The following PFKP variants were observed in gnomAD, a reference collection of about 807,000 sequenced individuals.
PFKP encodes the protein phosphofructokinase, platelet.
PFKP carries 101 observed loss-of-function variants against 94.3 expected under a neutral mutation model. The observed-to-expected ratio is 1.07, with a 90% CI of 0.91 to 1.26. The LOEUF is 1.26. Among genes scored for constraint, PFKP ranks in the 50% most tolerant of loss-of-function variants. The pLI, the probability that PFKP is intolerant of heterozygous loss-of-function variation, is 0.00. For synonymous variants in PFKP, 573 were observed against 432.6 expected, an observed-to-expected ratio of 1.32 and a Z score of -4.03; for missense variants, 1,145 against 1,103.3, an observed-to-expected ratio of 1.04 and a Z score of -0.53.
At chr10:3,135,168 T>C (rs1017734986) in intron 20 of PFKP, among the ~76,000 whole-genome samples, 2 of 152,190 alleles carry the variant, frequency 1.3e-5, no homozygotes, top group Non-Finnish European at 2.9e-5. Context: ...GAGTGGCTCT[T>C]TGTGCCAGCA....
At chr10:3,120,805 A>G (rs1328528887) in intron 16 of PFKP, among the ~76,000 whole-genome samples, 1 of 152,110 alleles carries the variant, frequency 6.6e-6, no homozygotes, top group Non-Finnish European at 1.5e-5. Flanking sequence ...GACCACAGGC[A>G]TGTGCCACCA....
At position 3,135,802 on chromosome 10, in the gene PFKP, A is replaced by G. The variant is rs1839202510; in HGVS notation, c.2189A>G (p.Gln730Arg). The G allele has an allele frequency of 1.1e-5, 17 of 1,613,586 alleles. No homozygotes were observed. Among genetic ancestry groups the G allele is most frequent in the Non-Finnish European group, 1.2e-5 (14 of 1,179,614 alleles). ...LGISKRNVIF[Q>R]PVAELKKQTD... ...ATAAGCAAAAGAAACGTTATTTTTC[A>G]ACCTGTGGCAGAGCTGAAGAAGCAA... The change falls in exon 21 of 22, where the codon CAA becomes CGA. Residue 730 changes from glutamine (Q) to arginine (R), a missense_variant. Coordinates refer to ENST00000381125, the MANE Select transcript of PFKP (RefSeq NM_002627.5).
At chr10:3,095,424 A>T (rs927159007) in intron 2 of PFKP, among the ~76,000 whole-genome samples, 1 of 152,238 alleles carries the variant, frequency 6.6e-6, no homozygotes, top group Non-Finnish European at 1.5e-5. Context: ...AGCCTGTGGC[A>T]TGTTCTTAGA....
In PFKP at chr10:3,127,109, G is replaced by A. The variant is rs533858282; in HGVS notation, c.1684-2710G>A. Reference sequence around the variant, plus strand: ...TGCTTTGACTAATTGCCTGAGGCACGGCCGGAGTGACTTGCTATTTTTAGA... The same window carrying A: ...TGCTTTGACTAATTGCCTGAGGCACAGCCGGAGTGACTTGCTATTTTTAGA... On this transcript the variant is annotated intron_variant, in intron 16 of 21. Coordinates refer to ENST00000381125, the MANE Select transcript of PFKP (RefSeq NM_002627.5). 4.6e-5 allele frequency among the ~76,000 whole-genome samples: 7 copies of A among 152,374 alleles called. No individual in the cohort carries two copies. In the South Asian group the frequency reaches 6.2e-4, roughly 14 times the overall value.
Position 3,136,448 on chromosome 10 carries a change from A to C in PFKP, c.2226-2A>C. On this transcript the variant is annotated splice_acceptor_variant, in intron 21 of 21. Coordinates refer to ENST00000381125, the MANE Select transcript of PFKP (RefSeq NM_002627.5). LOFTEE classifies it high-confidence loss of function. ...CACTGCTGTCTCCTCTTACCTCCAC[A>C]GGCACAGGATTCCCAAAGAACAGTG... The C allele has an allele frequency of 1.2e-6, 2 of 1,613,318 alleles. No homozygotes were observed. The highest frequency in any genetic ancestry group is 2.2e-5 in the South Asian group (2 of 91,030).
At chr10:3,121,062 TA>T (rs35568047) in intron 16 of PFKP, among the ~76,000 whole-genome samples, 1 of 152,114 alleles carries the variant, frequency 6.6e-6, no homozygotes, top group African/African-American at 2.4e-5. Context: ...CACTGGTAAA[TA>T]AAAAAACAAG....
intron 1 of PFKP, among the ~76,000 whole-genome samples, chr10:3,073,825 G>GTTTTT (rs556041801): frequency 6.6e-6 from 1 of 150,788 alleles, no homozygotes; most frequent in African/African-American, 2.5e-5. Context: ...GTGTGTGTGT[G>GTTTTT]TTTTTTTTGT....
At position 3,098,081 on chromosome 10, in the gene PFKP, A is replaced by G. The variant is rs181019248; in HGVS notation, c.187-1194A>G. On this transcript the variant is annotated intron_variant, in intron 2 of 21. Transcript: ENST00000381125. Reference sequence around the variant, plus strand: ...GAAATTTATAAATATAAGTATACAAATTGGCCAGCTATCAAGGTGCCTGCA... The same window carrying G: ...GAAATTTATAAATATAAGTATACAAGTTGGCCAGCTATCAAGGTGCCTGCA... Among the ~76,000 whole-genome samples the G allele has an allele frequency of 3.5e-3, 527 of 152,278 alleles. 12 individuals carry two copies. Among genetic ancestry groups the G allele is most frequent in the African/African-American group, 0.012 (510 of 41,512 alleles).
chr10:3,116,131 C>G (rs1216168566), intron 13 of PFKP, among the ~76,000 whole-genome samples: 1 of 134,228 alleles, frequency 7.5e-6, no homozygotes, highest in African/African-American at 3.0e-5. Context: ...ATGGTTCTGT[C>G]AAATATATAT....
rs1298471006 is a variant in PFKP, at chr10:3,131,252, T to C, written c.1849-1128T>C. On this transcript the variant is annotated intron_variant, in intron 17 of 21. Coordinates refer to ENST00000381125, the MANE Select transcript of PFKP (RefSeq NM_002627.5). ...CAGGTTTGTAGCCAGGAACAACAGGTGTGCAGCAGGCTCTGCCTCCTGGGT... is the reference window on the plus strand; with the variant it reads ...CAGGTTTGTAGCCAGGAACAACAGGCGTGCAGCAGGCTCTGCCTCCTGGGT... Among the ~76,000 whole-genome samples, 4 of 152,228 alleles carry C rather than the reference T, an allele frequency of 2.6e-5. No individual in the cohort carries two copies. The East Asian group carries it at 7.7e-4, about 29-fold the overall frequency.
In PFKP at chr10:3,101,453, G is replaced by C; in HGVS notation, c.353G>C (p.Gly118Ala). The change falls in exon 4 of 22, where the codon GGC becomes GCC. Residue 118 changes from glycine (G) to alanine (A), a missense_variant. By Grantham distance (60) the Gly-to-Ala change is moderately conservative. Around this residue, in one of 3 missense-constraint regions of PFKP, gnomAD observed 1,119 missense variants for 1,062.8 expected, o/e 1.05. Coordinates refer to ENST00000381125, the MANE Select transcript of PFKP (RefSeq NM_002627.5). ...GCTGCTTGCAACCTGCTGCAGCGCG[G>C]CATCACCAACCTGTGTGTGATCGGC... ...LKAACNLLQR[G>A]ITNLCVIGGD... 1 of 1,609,876 alleles carries C rather than the reference G, an allele frequency of 6.2e-7. No homozygotes were observed. The highest frequency in any genetic ancestry group is 2.2e-5 in the East Asian group (1 of 44,746).
chr10:3,089,877 A>G (rs574119955), intron 2 of PFKP, among the ~76,000 whole-genome samples: 2 of 151,980 alleles, frequency 1.3e-5, no homozygotes, highest in South Asian at 2.1e-4. Context: ...GCTTCCTTCT[A>G]CTTTTCCCAG....
In PFKP at chr10:3,113,552, A is replaced by T. The variant is rs201965500; in HGVS notation, c.1371+34A>T. 4.6e-5 allele frequency: 73 copies of T among 1,601,584 alleles called. No individual in the cohort carries two copies. The Admixed American group carries it at 1.2e-3, about 27-fold the overall frequency. On this transcript the variant is annotated intron_variant, in intron 13 of 21. Coordinates refer to ENST00000381125, the MANE Select transcript of PFKP (RefSeq NM_002627.5). Reference sequence around the variant, plus strand: ...CCCAGGATGCCGTAGGCAGGCAGACACCCTGGCTGTGAGCACAGTGGACGT... The same window carrying T: ...CCCAGGATGCCGTAGGCAGGCAGACTCCCTGGCTGTGAGCACAGTGGACGT...
At chr10:3,072,829 T>G (rs918319922) in intron 1 of PFKP, among the ~76,000 whole-genome samples, 16 of 151,906 alleles carry the variant, frequency 1.1e-4, no homozygotes, top group Admixed American at 2.6e-4. Context: ...TACGGTAACG[T>G]AGTCAGGACA....
chr10:3,099,816 T>A (rs942912270), intron 3 of PFKP, among the ~76,000 whole-genome samples: 1 of 151,726 alleles, frequency 6.6e-6, no homozygotes, highest in African/African-American at 2.4e-5. Context: ...AACGGAGAGT[T>A]GAAGTGCGTA....
At chr10:3,090,364 T>C (rs907396652) in intron 2 of PFKP, among the ~76,000 whole-genome samples, 1 of 152,198 alleles carries the variant, frequency 6.6e-6, no homozygotes. Flanking sequence ...GAAATGGTGT[T>C]TGCCCTCCTG....
Position 3,132,405 on chromosome 10 carries a change from AAATG to A in PFKP, c.1877_1880del (p.Met626ArgfsTer96). 6.2e-7 allele frequency: 1 copy of A among 1,613,102 alleles called. No individual in the cohort carries two copies. The highest frequency in any genetic ancestry group is 8.5e-7 in the Non-Finnish European group (1 of 1,179,110). ...TCCAACGTGGAGCACCTGACGGAGA[AAATG>A]AAGACCACCATCCAGAGAGGCCTTG... On this transcript the variant is annotated frameshift_variant, in exon 18 of 22. Transcript: ENST00000381125. LOFTEE classifies it high-confidence loss of function.
At chr10:3,093,979 A>G (rs1834284488) in intron 2 of PFKP, among the ~76,000 whole-genome samples, 1 of 152,220 alleles carries the variant, frequency 6.6e-6, no homozygotes, top group South Asian at 2.1e-4. Flanking sequence ...TATGCCAGCC[A>G]GGTCCCATGC....
chr10:3,078,308 C>G (rs1311052219), intron 1 of PFKP, among the ~76,000 whole-genome samples: 3 of 152,358 alleles, frequency 2.0e-5, no homozygotes, highest in Admixed American at 1.3e-4. Flanking sequence ...CTGTGGGTGA[C>G]AGCCCGCCAG....
Sources: gnomAD v4.1 joint callset for allele counts (sites outside exome capture counted in the v4.1 genomes callset) on GRCh38, gnomAD v4.1.1 for gene constraint, gnomAD v4.1.1 regional missense constraint, MANE v1.5 for transcripts, NCBI Gene and HGNC (gene_info 2026-07-23, HGNC 2026-07-21) for gene names.